Variants in TJP1 observed in about 807,000 individuals in gnomAD.
The protein encoded by TJP1 is tight junction protein ZO-1.
Under a neutral mutation model 194.2 loss-of-function variants are expected in TJP1, and 43 were observed. The observed-to-expected ratio is 0.22, with a 90% CI of 0.17 to 0.29. The LOEUF (loss-of-function observed/expected upper bound fraction) is 0.29, where lower values mean the gene tolerates loss of function less well. TJP1 is among the 10% of genes least tolerant of loss of function. The pLI, the probability that TJP1 is intolerant of heterozygous loss-of-function variation, is 1.00. For missense variants in TJP1, 1,971 were observed against 2,185.7 expected, an observed-to-expected ratio of 0.90 and a Z score of 1.96; for synonymous variants, 801 against 779.0, an observed-to-expected ratio of 1.03 and a Z score of -0.47.
chr15:29,889,417 AATTAGCTAAAATTAAT>A (rs1330747832), intron 2 of TJP1, among the ~76,000 whole-genome samples: 1 of 152,356 alleles, frequency 6.6e-6, no homozygotes, highest in Non-Finnish European at 1.5e-5. Context: ...AGGGAAATCT[AATTAGCTAAAATTAAT>A]CAACAATCAG....
intron 8 of TJP1, among the ~76,000 whole-genome samples, chr15:29,757,355 A>AT (rs986427903): frequency 4.6e-5 from 7 of 152,182 alleles, no homozygotes; most frequent in South Asian, 2.1e-4. Flanking sequence ...AGACCAGGTC[A>AT]TTTTTTTATC....
chr15:29,790,362 G>A (rs768099639), intron 2 of TJP1, among the ~76,000 whole-genome samples: 5 of 152,094 alleles, frequency 3.3e-5, no homozygotes, highest in African/African-American at 7.2e-5. Context: ...CCACTGGCAA[G>A]ACTTTTTCAT....
intron 3 of TJP1, 50 bp from the exon 4 acceptor site, chr15:29,772,216 A>T: frequency 8.6e-7 from 1 of 1,161,282 alleles, no homozygotes; most frequent in Non-Finnish European, 1.3e-6. Context: ...ACATTCTGGT[A>T]AGTTTATGAT....
At chr15:29,733,742 T>C (rs1031422448) in intron 12 of TJP1, among the ~76,000 whole-genome samples, 2 of 152,190 alleles carry the variant, frequency 1.3e-5, no homozygotes, top group East Asian at 1.9e-4. Context: ...TAGTGGCATC[T>C]CATCTAGTGA....
chr15:29,788,159 G>T (rs1358179677), intron 2 of TJP1, among the ~76,000 whole-genome samples: 1 of 152,150 alleles, frequency 6.6e-6, no homozygotes, highest in African/African-American at 2.4e-5. Flanking sequence ...CAACTGATTT[G>T]TCTTTTTATT....
intron 2 of TJP1, among the ~76,000 whole-genome samples, chr15:29,908,900 G>A (rs148147703): frequency 0.058 from 8,785 of 151,838 alleles, 371 homozygotes; most frequent in Admixed American, 0.13. Flanking sequence ...CACGCCTGTA[G>A]TCCCAGCACT....
intron 2 of TJP1, among the ~76,000 whole-genome samples, chr15:29,951,606 C>T (rs1044161863): frequency 6.6e-6 from 1 of 152,148 alleles, no homozygotes; most frequent in Non-Finnish European, 1.5e-5. Flanking sequence ...ATGTAACATT[C>T]CAAATAATAT....
chr15:29,799,920 A>G (rs1333713484), intron 2 of TJP1, among the ~76,000 whole-genome samples: 2 of 152,160 alleles, frequency 1.3e-5, no homozygotes, highest in Non-Finnish European at 2.9e-5. Context: ...ATTCTCTAAG[A>G]AAGGGAGTAA....
Position 29,762,215 on chromosome 15 carries a change from C to A in TJP1, c.693+120G>T, listed in dbSNP as rs541188341. 81 of 735,840 alleles carry A rather than the reference C, an allele frequency of 1.1e-4. No homozygotes were observed. In the African/African-American group the frequency reaches 1.2e-3, roughly 11 times the overall value. The allele number at this position is 735,840 out of a possible 1,614,324, so 45.6% of individuals were successfully genotyped here. A position where few individuals can be genotyped will look rare whatever the true frequency, so the allele number is the denominator to read the frequency against. On this transcript the variant is annotated intron_variant, in intron 6 of 27. Coordinates refer to ENST00000614355, the MANE Select transcript of TJP1 (RefSeq NM_001330239.4). The stretch of plus-strand genomic sequence containing the variant: ...TAAAGGGAATTTATATCCCTCTCCC[C>A]CAAACACTGATTTTTAATTCTCTTT...
chr15:29,701,494 G>C lies in TJP1; in HGVS notation c.*101C>G. 1 of 912,008 alleles carries C rather than the reference G, an allele frequency of 1.1e-6. No individual in the cohort carries two copies. Among genetic ancestry groups the C allele is most frequent in the South Asian group, 1.6e-5 (1 of 63,000 alleles). The allele number at this position is 912,008 out of a possible 1,614,324, so 56.5% of individuals were successfully genotyped here. On this transcript the variant is annotated 3_prime_UTR_variant, in exon 28 of 28. Coordinates refer to ENST00000614355, the MANE Select transcript of TJP1 (RefSeq NM_001330239.4). ...AACAAATGCCTCATACTAACAAACT[G>C]TAGTATCAACTCTAAAAAAGGTATA...
chr15:29,968,781 CG>C lies in TJP1; in HGVS notation c.58del (p.Arg20AlafsTer8). 8.2e-7 allele frequency: 1 copy of C among 1,217,658 alleles called. No individual in the cohort carries two copies. The highest frequency in any genetic ancestry group is 1.3e-5 in the South Asian group (1 of 74,396). 75.4% of individuals were successfully genotyped at this position (1,217,658 alleles called of 1,614,324 possible). A position where few individuals can be genotyped will look rare whatever the true frequency, so the allele number is the denominator to read the frequency against. On this transcript the variant is annotated frameshift_variant, in exon 1 of 29. Coordinates refer to the TJP1 transcript ENST00000356107. LOFTEE classifies it high-confidence loss of function. ...CTTCATCTTGTCCCCGCTCCGCTCG[CG>C]GGCAGGGCCCCGCCGCCTCCGCCGC...
intron 2 of TJP1, among the ~76,000 whole-genome samples, chr15:29,848,150 G>A (rs992857426): frequency 1.3e-5 from 2 of 151,784 alleles, no homozygotes; most frequent in Non-Finnish European, 2.9e-5. Flanking sequence ...CTTTCTTGGT[G>A]AATGTTCCAT....
chr15:29,943,214 T>C, intron 2 of TJP1, among the ~76,000 whole-genome samples: 1 of 152,230 alleles, frequency 6.6e-6, no homozygotes, highest in East Asian at 1.9e-4. Flanking sequence ...GGAGAAGGTC[T>C]TTTTTAAAAC....
chr15:29,816,211 A>G (rs1250264862), intron 1 of TJP1, among the ~76,000 whole-genome samples: 3 of 152,044 alleles, frequency 2.0e-5, no homozygotes, highest in African/African-American at 7.2e-5. Context: ...TATTTTTAGT[A>G]GAGACGGGGT....
At chr15:29,791,547 A>C (rs1416140369) in intron 2 of TJP1, among the ~76,000 whole-genome samples, 2 of 149,478 alleles carry the variant, frequency 1.3e-5, no homozygotes, top group African/African-American at 5.0e-5. Flanking sequence ...CAGCCTCGCG[A>C]GTAGCTGGGA....
intron 1 of TJP1, among the ~76,000 whole-genome samples, chr15:29,806,395 C>T (rs993555105): frequency 5.3e-5 from 8 of 152,188 alleles, no homozygotes; most frequent in African/African-American, 1.7e-4. Flanking sequence ...TAGATCAATA[C>T]ACCTCATTTA....
chr15:29,912,300 C>T (rs1420247671), intron 2 of TJP1, among the ~76,000 whole-genome samples: 2 of 152,222 alleles, frequency 1.3e-5, no homozygotes, highest in South Asian at 4.1e-4. Flanking sequence ...ATTTTTAACA[C>T]AAATAGGCAG....
chr15:29,890,028 T>G (rs1240897319), intron 2 of TJP1, among the ~76,000 whole-genome samples: 1 of 152,214 alleles, frequency 6.6e-6, no homozygotes, highest in East Asian at 1.9e-4. Flanking sequence ...CCAGCTTCAC[T>G]GTCTCTCTTT....
In TJP1 at chr15:29,903,735, C is replaced by T. The variant is rs1007909287; in HGVS notation, c.306+52497G>A. Among the ~76,000 whole-genome samples, 9 of 152,302 alleles carry T rather than the reference C, an allele frequency of 5.9e-5. No individual in the cohort carries two copies. In the East Asian group the frequency reaches 9.6e-4, roughly 16 times the overall value. On this transcript the variant is annotated intron_variant, in intron 2 of 28. Coordinates refer to the TJP1 transcript ENST00000356107. ...CTGGGATTACAGGCGTGAGCTACCA[C>T]GCCCGGCCCAAGTTGCAGAATCTTA...
Sources: allele counts gnomAD v4.1 joint callset (sites outside exome capture counted in the v4.1 genomes callset), GRCh38; gene constraint gnomAD v4.1.1; transcripts MANE v1.5; gene names NCBI Gene and HGNC (gene_info 2026-07-23, HGNC 2026-07-21).